The following PTCD3 variants were observed in gnomAD, a reference collection of about 807,000 sequenced individuals.
The protein encoded by PTCD3 is small ribosomal subunit protein mS39.
PTCD3 carries 89 observed loss-of-function variants against 101.9 expected under a neutral mutation model. That is an observed-to-expected ratio of 0.87 (90% CI 0.74 to 1.04). The LOEUF (loss-of-function observed/expected upper bound fraction) is 1.04. PTCD3 is among the 50% of genes least tolerant of loss of function. The probability of loss-of-function intolerance (pLI) is 0.00; values close to 1 mark genes in which losing one functional copy is unlikely to be tolerated. For missense variants in PTCD3, 870 were observed against 828.2 expected, an observed-to-expected ratio of 1.05 and a Z score of -0.62; for synonymous variants, 296 against 278.5, an observed-to-expected ratio of 1.06 and a Z score of -0.63.
At position 86,125,813 on chromosome 2, in the gene PTCD3, A is replaced by G. The variant is rs1262489137; in HGVS notation, c.884A>G (p.Asn295Ser). 1.9e-6 allele frequency: 3 copies of G among 1,607,746 alleles called. No homozygotes were observed. The highest frequency in any genetic ancestry group is 2.2e-5 in the East Asian group (1 of 44,854). Residue 295 changes from asparagine to serine, a missense_variant, in exon 12 of 24, where the codon AAT becomes AGT. By Grantham distance (46) the Asn-to-Ser change is conservative. Transcript: ENST00000254630. ...NRLHADVYTF[N>S]ALIEATVCAI... ...TTTACAGCTGATGTATACACATTTAATGCATTGATTGAAGCAACAGTATGT... is the reference window on the plus strand; with the variant it reads ...TTTACAGCTGATGTATACACATTTAGTGCATTGATTGAAGCAACAGTATGT...
intron 1 of PTCD3, among the ~76,000 whole-genome samples, chr2:86,107,830 C>T (rs1425973963): frequency 6.6e-6 from 1 of 152,186 alleles, no homozygotes; most frequent in Non-Finnish European, 1.5e-5. Flanking sequence ...CAAGAGCTCA[C>T]TGAATTGTTC....
At chr2:86,124,195 ATAACT>A (rs1449639094) in intron 9 of PTCD3, among the ~76,000 whole-genome samples, 1 of 152,244 alleles carries the variant, frequency 6.6e-6, no homozygotes, top group African/African-American at 2.4e-5. Context: ...ATGAAAGGTA[ATAACT>A]TAATTATATT....
intron 8 of PTCD3, among the ~76,000 whole-genome samples, chr2:86,123,171 A>T (rs1674323822): frequency 6.6e-6 from 1 of 151,674 alleles, no homozygotes; most frequent in Admixed American, 6.6e-5. Flanking sequence ...CTGAGGCAGG[A>T]GAATTCCTTG....
At chr2:86,124,838 T>C (rs1674354342) in intron 9 of PTCD3, among the ~76,000 whole-genome samples, 157 bp from the exon 10 acceptor site, 1 of 152,224 alleles carries the variant, frequency 6.6e-6, no homozygotes, top group Admixed American at 6.5e-5. Context: ...TTCCCCATTT[T>C]CAAAATGATA....
chr2:86,109,338 C>T (rs1470098563), intron 3 of PTCD3, among the ~76,000 whole-genome samples: 2 of 149,564 alleles, frequency 1.3e-5, no homozygotes, highest in Non-Finnish European at 3.0e-5. Flanking sequence ...ACCCGGGAGA[C>T]GGAGCTTGCA....
intron 13 of PTCD3, 165 bp from the exon 14 acceptor site, chr2:86,127,776 T>A: frequency 1.6e-6 from 1 of 620,620 alleles, no homozygotes; most frequent in East Asian, 2.8e-5. Flanking sequence ...TTTTTACCTT[T>A]ACATTAATGA....
intron 7 of PTCD3, among the ~76,000 whole-genome samples, chr2:86,121,199 A>G (rs1674273090): frequency 6.6e-6 from 1 of 152,178 alleles, no homozygotes; most frequent in Admixed American, 6.5e-5. Context: ...ACCATGAAGT[A>G]GTTTGAGGAT....
intron 1 of PTCD3, 146 bp from the exon 2 acceptor site, chr2:86,108,204 A>G: frequency 1.2e-6 from 1 of 866,190 alleles, no homozygotes; most frequent in South Asian, 1.9e-5. Context: ...ACATGTGTAC[A>G]GACTGTCTTC....
At chr2:86,118,264 A>G (rs1322863523) in intron 6 of PTCD3, among the ~76,000 whole-genome samples, 3 of 151,904 alleles carry the variant, frequency 2.0e-5, no homozygotes, top group Non-Finnish European at 2.9e-5. Context: ...GTAGTTTTGG[A>G]GTGAGGATTT....
chr2:86,117,931 C>T (rs180878724), intron 6 of PTCD3, among the ~76,000 whole-genome samples: 15 of 152,176 alleles, frequency 9.9e-5, no homozygotes, highest in East Asian at 1.9e-4. Context: ...TGCCTGCCAC[C>T]GCACCTGGCT....
At position 86,125,873 on chromosome 2, in the gene PTCD3, A is replaced by C. The variant is rs778399936; in HGVS notation, c.944A>C (p.Lys315Thr). The C allele has an allele frequency of 1.9e-6, 3 of 1,590,958 alleles. No individual in the cohort carries two copies. Among genetic ancestry groups the C allele is most frequent in the Non-Finnish European group, 2.6e-6 (3 of 1,159,222 alleles). The change falls in exon 12 of 24, where the codon AAA becomes ACA. Residue 315 changes from lysine to threonine, a missense_variant. Lys to Thr is a moderately conservative substitution (Grantham distance 78). Transcript: ENST00000254630. ...GAGAAATTTGAGGAAAAATGGAGTA[A>C]AATACTGGTAAGGAGGAATCCTCAG... is the stretch of plus-strand genomic sequence containing the variant. ...INEKFEEKWS[K>T]ILELLRHMVA...
At chr2:86,119,362 T>C in intron 7 of PTCD3, among the ~76,000 whole-genome samples, 1 of 15,294 alleles carries the variant, frequency 6.5e-5, no homozygotes, top group African/African-American at 8.6e-5. Flanking sequence ...CCCTTTTCCT[T>C]TTTTTTTTTT....
At chr2:86,117,769 G>A (rs904306268) in intron 6 of PTCD3, among the ~76,000 whole-genome samples, 2 of 151,400 alleles carry the variant, frequency 1.3e-5, no homozygotes, top group African/African-American at 4.9e-5. Context: ...CTCTTGATCC[G>A]CTTCTTTTTT....
intron 1 of PTCD3, 74 bp downstream of exon 1, chr2:86,106,425 G>A (rs1214486743): frequency 2.7e-6 from 4 of 1,470,244 alleles, no homozygotes; most frequent in Non-Finnish European, 3.7e-6. Context: ...GCTGGCTGTG[G>A]AAGTAGGCAC....
intron 21 of PTCD3, 137 bp from the exon 22 acceptor site, chr2:86,136,384 A>C: frequency 1.2e-6 from 1 of 819,830 alleles, no homozygotes; most frequent in East Asian, 2.6e-5. Flanking sequence ...TAGAGCCCAC[A>C]GATGTGTGTC....
In PTCD3 at chr2:86,131,984, C is replaced by A. The variant is rs1157545824; in HGVS notation, c.1267-334C>A. 3.9e-5 allele frequency among the ~76,000 whole-genome samples: 6 copies of A among 152,166 alleles called. 1 individual carries two copies. Among genetic ancestry groups the A allele is most frequent in the Non-Finnish European group, 7.3e-5 (5 of 68,040 alleles). ...GCAACCAGTATTTCATAGTAAGAACCATAACTTAACTTTCCTGTGGGTAGA... is the reference window on the plus strand; with the variant it reads ...GCAACCAGTATTTCATAGTAAGAACAATAACTTAACTTTCCTGTGGGTAGA... On this transcript the variant is annotated intron_variant, in intron 16 of 23. Coordinates refer to ENST00000254630, the MANE Select transcript of PTCD3 (RefSeq NM_017952.6).
rs758940565 is a variant in PTCD3, at chr2:86,133,454, T to A, written c.1543+18T>A. 3 of 1,570,328 alleles carry A rather than the reference T, an allele frequency of 1.9e-6. No homozygotes were observed. Among genetic ancestry groups the A allele is most frequent in the Non-Finnish European group, 2.6e-6 (3 of 1,140,644 alleles). ...TTGGAAAGGTCAGTTTTACTTTTTA[T>A]GTGTCCAGGTGCATCTCACCTCAAT... is the stretch of plus-strand genomic sequence containing the variant. On this transcript the variant is annotated intron_variant, in intron 19 of 23. Transcript: ENST00000254630.
At chr2:86,109,091 G>T (rs1328800903) in intron 3 of PTCD3, among the ~76,000 whole-genome samples, 4 of 152,086 alleles carry the variant, frequency 2.6e-5, no homozygotes, top group Middle Eastern at 3.4e-3. Context: ...AAAAAGCTAG[G>T]TCTTAAAATT....
At chr2:86,128,029 A>C in intron 14 of PTCD3, 38 bp downstream of exon 14, 4 of 1,477,290 alleles carry the variant, frequency 2.7e-6, no homozygotes, top group Non-Finnish European at 3.8e-6. Context: ...TTATATAGAA[A>C]ATTGACCAGC....
Sources: allele counts gnomAD v4.1 joint callset (sites outside exome capture counted in the v4.1 genomes callset), GRCh38; gene constraint gnomAD v4.1.1; transcripts MANE v1.5; gene names NCBI Gene and HGNC (gene_info 2026-07-23, HGNC 2026-07-21).